Variants in BICRA observed in about 807,000 individuals in gnomAD.
BICRA encodes the protein BRD4 interacting chromatin remodeling complex associated protein, also known as BRD4-interacting chromatin-remodeling complex-associated protein.
In BICRA, 31 loss-of-function variants were observed where a neutral mutation model predicts 96.9. The ratio of observed to expected loss-of-function variants is 0.32; its 90% confidence interval spans 0.24 to 0.43. The LOEUF (loss-of-function observed/expected upper bound fraction) is 0.43. BICRA is among the 20% of genes least tolerant of loss of function. The probability of loss-of-function intolerance (pLI) is 1.00; values close to 1 mark genes in which losing one functional copy is unlikely to be tolerated. For synonymous variants in BICRA, 1,350 were observed against 1,071.8 expected (o/e 1.26, Z -5.07); for missense variants, 2,283 against 2,190.3 (o/e 1.04, Z -0.84).
intron 1 of BICRA, among the ~76,000 whole-genome samples, chr19:47,656,365 A>G (rs1262405203): frequency 6.6e-6 from 1 of 152,214 alleles, no homozygotes; most frequent in East Asian, 1.9e-4. Context: ...CTCAGTGTTA[A>G]TGAATCAAAA....
At chr19:47,616,297 A>G (rs1568545364) in intron 1 of BICRA, among the ~76,000 whole-genome samples, 1 of 152,210 alleles carries the variant, frequency 6.6e-6, no homozygotes, top group African/African-American at 2.4e-5. Flanking sequence ...CCAAGTTGCT[A>G]TGGCCTTTCC....
Position 47,694,907 on chromosome 19 carries a change from C to T in BICRA, c.2903C>T (p.Ser968Phe). 1 of 1,516,746 alleles carries T rather than the reference C, an allele frequency of 6.6e-7. No individual in the cohort carries two copies. The highest frequency in any genetic ancestry group is 1.3e-5 in the South Asian group (1 of 76,240). The allele number at this position is 1,516,746 out of a possible 1,614,324, so 94.0% of individuals were successfully genotyped here. ...ALLERFHQVP[S>F]GIILQNKAGG... ...CACCTGTCCCCTCCTCAGGTGCCGT[C>T]CGGAATCATCCTCCAGAACAAGGCT... Residue 968 changes from serine (S) to phenylalanine (F), a missense_variant, in exon 9 of 15, where the codon TCC (serine) becomes TTC (phenylalanine). By Grantham distance (155) the Ser-to-Phe change is radical. Transcript: ENST00000594866.
intron 1 of BICRA, among the ~76,000 whole-genome samples, chr19:47,643,750 G>A (rs191163045): frequency 3.8e-4 from 58 of 152,308 alleles, no homozygotes; most frequent in African/African-American, 1.2e-3. Flanking sequence ...CTGGACTCAC[G>A]AAATCCTGAA....
intron 1 of BICRA, among the ~76,000 whole-genome samples, chr19:47,610,329 C>G (rs1372395062): frequency 6.6e-6 from 1 of 152,232 alleles, no homozygotes; most frequent in Admixed American, 6.5e-5. Context: ...CCTTGGTGCG[C>G]GGCCAGCCGG....
At chr19:47,682,199 G>C (rs767554215) in intron 7 of BICRA, 47 bp downstream of exon 7, 2 of 770,794 alleles carry the variant, frequency 2.6e-6, no homozygotes, top group Non-Finnish European at 4.1e-6. Flanking sequence ...ACCCAGCCTC[G>C]CCCCTCCTGC....
intron 7 of BICRA, among the ~76,000 whole-genome samples, chr19:47,685,110 C>T (rs1973124349): frequency 1.3e-5 from 2 of 152,060 alleles, no homozygotes; most frequent in African/African-American, 2.4e-5. Context: ...GCTGGGACTA[C>T]AGGCATGTGC....
At chr19:47,667,179 G>C (rs529745806) in intron 1 of BICRA, among the ~76,000 whole-genome samples, 6 of 152,026 alleles carry the variant, frequency 3.9e-5, no homozygotes, top group East Asian at 1.9e-4. Flanking sequence ...CCCCCACGCC[G>C]GGCTCATTTT....
chr19:47,679,893 C>A lies in BICRA; in HGVS notation c.723C>A (p.Pro241=), dbSNP rs1481990740. 2.6e-6 allele frequency: 4 copies of A among 1,520,794 alleles called. No homozygotes were observed. The South Asian group carries it at 3.6e-5, about 14-fold the overall frequency. The allele number at this position is 1,520,794 out of a possible 1,614,324, so 94.2% of individuals were successfully genotyped here. ...CGCCCATCCAGGTGGTGGGCCAGCC[C>A]GTCATGGCGCTCAACACGCCCACCT... ...GLAPIQVVGQ[P]VMALNTPTSQ... The change falls in exon 6 of 15, where the codon CCC becomes CCA. Residue 241 remains proline, a synonymous_variant. Transcript: ENST00000594866.
rs1271341315 is a variant in BICRA at position 47,675,913 on chromosome 19, T to G, written c.147T>G (p.Pro49=). ...CCCAAAGTGCCTTCTATGAAGGTCC[T>G]GGGGTAAGTGCCGTGGCTCCCGATC... ...GEAQSAFYEG[P]GLHVQEASGN... is the part of the protein sequence containing the mutation. The change falls in exon 5 of 15, where the codon CCT becomes CCG. Residue 49 remains proline, a synonymous_variant. Coordinates refer to ENST00000594866, the MANE Select transcript of BICRA (RefSeq NM_001394372.1). This position sits in a 1 kb window ranked among gnomAD's most constrained non-coding sequence, Gnocchi z 4.7. The G allele has an allele frequency of 1.2e-6, 2 of 1,602,768 alleles. No homozygotes were observed. The highest frequency in any genetic ancestry group is 1.7e-6 in the Non-Finnish European group (2 of 1,173,590).
chr19:47,619,034 C>T (rs1028160583), intron 1 of BICRA, among the ~76,000 whole-genome samples: 11 of 152,126 alleles, frequency 7.2e-5, no homozygotes, highest in Admixed American at 1.3e-4. Context: ...AGACACTTGG[C>T]GCCCGGCCTG....
rs971542798 is a variant in BICRA at position 47,614,091 on chromosome 19, T to C, written c.-108+4923T>C. On this transcript the variant is annotated intron_variant, in intron 1 of 14. Transcript: ENST00000594866. ...GAGAGAACGGTTGGATTAGCCGCTG[T>C]GGGGTTTCATTCATTCTGTCTGGGT... is the stretch of plus-strand genomic sequence containing the variant. Among the ~76,000 whole-genome samples the C allele has an allele frequency of 4.6e-5, 7 of 152,154 alleles. No homozygotes were observed. The East Asian group carries it at 7.7e-4, about 17-fold the overall frequency.
chr19:47,618,178 G>A (rs1972012080), intron 1 of BICRA, among the ~76,000 whole-genome samples: 1 of 152,184 alleles, frequency 6.6e-6, no homozygotes, highest in Non-Finnish European at 1.5e-5. Flanking sequence ...GTTACTCTGT[G>A]CAGAAATCGT....
At chr19:47,609,680 C>T (rs1971867752) in intron 1 of BICRA, among the ~76,000 whole-genome samples, 1 of 151,866 alleles carries the variant, frequency 6.6e-6, no homozygotes, top group Non-Finnish European at 1.5e-5. Context: ...GGCCACCGGG[C>T]AGCGGGCGGT....
intron 10 of BICRA, among the ~76,000 whole-genome samples, chr19:47,695,741 T>C (rs1367822576): frequency 6.6e-6 from 1 of 151,338 alleles, no homozygotes; most frequent in Non-Finnish European, 1.5e-5. Flanking sequence ...GGACTATGAC[T>C]GGGGAAAGAG....
intron 1 of BICRA, among the ~76,000 whole-genome samples, chr19:47,637,830 C>T (rs950601898): frequency 5.9e-5 from 9 of 152,272 alleles, no homozygotes; most frequent in African/African-American, 1.7e-4. Context: ...TTTCTCTCTG[C>T]GTCATGTTTT....
intron 14 of BICRA, chr19:47,700,384 CTGT>C (rs1006428833): frequency 2.6e-5 from 4 of 152,048 alleles, no homozygotes; most frequent in African/African-American, 9.7e-5. Flanking sequence ...TACCTCAATG[CTGT>C]CTTCTGATTT....
chr19:47,621,658 G>T (rs1323857098), intron 1 of BICRA, among the ~76,000 whole-genome samples: 1 of 151,430 alleles, frequency 6.6e-6, no homozygotes, highest in Non-Finnish European at 1.5e-5. Flanking sequence ...ATTTTTAGTA[G>T]AGAGGGGGTT....
chr19:47,659,653 G>C (rs1273813251), intron 1 of BICRA, among the ~76,000 whole-genome samples: 11 of 150,204 alleles, frequency 7.3e-5, no homozygotes, highest in Admixed American at 6.7e-4. Context: ...TTTGTGCAGT[G>C]AACAACCTGT....
intron 1 of BICRA, among the ~76,000 whole-genome samples, chr19:47,616,992 C>G (rs2123505740): frequency 1.3e-5 from 2 of 152,070 alleles, no homozygotes; most frequent in East Asian, 3.9e-4. Flanking sequence ...CGACACCCAG[C>G]TAATTTTGTA....
Sources: allele counts gnomAD v4.1 joint callset (sites outside exome capture counted in the v4.1 genomes callset), GRCh38; gene constraint gnomAD v4.1.1; non-coding constraint Gnocchi (gnomAD v3.1); transcripts MANE v1.5; gene names NCBI Gene and HGNC (gene_info 2026-07-23, HGNC 2026-07-21).